The following ZCCHC4 variants were observed in gnomAD, a reference collection of about 807,000 sequenced individuals.
The protein encoded by ZCCHC4 is zinc finger CCHC-type containing 4, also known as rRNA N(6)-adenosine-methyltransferase ZCCHC4.
ZCCHC4 carries 54 observed loss-of-function variants against 67.7 expected under a neutral mutation model. That is an observed-to-expected ratio of 0.80 (90% CI 0.64 to 1.00). ZCCHC4 has a LOEUF of 1.00. Ranked by LOEUF, ZCCHC4 falls within the 50% of genes least tolerant of loss-of-function variation. ZCCHC4 has a pLI of 0.00. For missense variants in ZCCHC4, 609 were observed against 617.0 expected (o/e 0.99, Z 0.14); for synonymous variants, 198 against 213.5 (o/e 0.93, Z 0.63).
intron 3 of ZCCHC4, among the ~76,000 whole-genome samples, chr4:25,326,097 C>T (rs1718871224): frequency 6.6e-6 from 1 of 152,214 alleles, no homozygotes; most frequent in Non-Finnish European, 1.5e-5. Flanking sequence ...CATCCAAAAT[C>T]AACTAAAGCA....
At chr4:25,351,512 T>C in intron 7 of ZCCHC4, 77 bp from the exon 8 acceptor site, 1 of 898,152 alleles carries the variant, frequency 1.1e-6, no homozygotes, top group East Asian at 2.6e-5. Flanking sequence ...TTTCTTATGC[T>C]AGCGGAAGTT....
chr4:25,362,754 A>G (rs1720798515), intron 10 of ZCCHC4, among the ~76,000 whole-genome samples: 1 of 152,232 alleles, frequency 6.6e-6, no homozygotes, highest in South Asian at 2.1e-4. Flanking sequence ...CAACAGCCTT[A>G]TTAGGTGCAG....
intron 5 of ZCCHC4, among the ~76,000 whole-genome samples, chr4:25,339,341 T>C (rs1278551529): frequency 6.6e-6 from 1 of 152,234 alleles, no homozygotes; most frequent in East Asian, 1.9e-4. Context: ...GTAACTATGT[T>C]TACCTTCCTG....
chr4:25,361,322 T>C (rs1720725924), intron 8 of ZCCHC4, among the ~76,000 whole-genome samples: 1 of 152,232 alleles, frequency 6.6e-6, no homozygotes, highest in Admixed American at 6.5e-5. Context: ...CATGTGTCCC[T>C]GCCCAGAGGA....
chr4:25,367,249 A>T (rs1467510992), intron 12 of ZCCHC4, among the ~76,000 whole-genome samples: 1 of 152,180 alleles, frequency 6.6e-6, no homozygotes, highest in Non-Finnish European at 1.5e-5. Context: ...TTACATAAAT[A>T]CCTATAATTT....
At position 25,365,070 on chromosome 4, in the gene ZCCHC4, C is replaced by A. The variant is rs1319829264; in HGVS notation, c.1310C>A (p.Ser437Tyr). 6.2e-7 allele frequency: 1 copy of A among 1,614,218 alleles called. No homozygotes were observed. Among genetic ancestry groups the A allele is most frequent in the African/African-American group, 1.3e-5 (1 of 75,076 alleles). ...AATCACTGTGCTGTTCCAGATCATT[C>A]TTGTGAGGGCCCCAAACATGGCTGC... ...ICNHCAVPDH[S>Y]CEGPKHGCFI... Residue 437 changes from serine (S) to tyrosine (Y), a missense_variant, in exon 12 of 13, where the codon TCT becomes TAT. By Grantham distance (144) the Ser-to-Tyr change is moderately radical (BLOSUM62 -2). Transcript: ENST00000302874.
chr4:25,341,270 A>G (rs1440164815), intron 5 of ZCCHC4, among the ~76,000 whole-genome samples: 3 of 152,182 alleles, frequency 2.0e-5, no homozygotes, highest in African/African-American at 4.8e-5. Context: ...TTTGGAGTTG[A>G]TATCTCATGT....
chr4:25,349,657 A>T lies in ZCCHC4; in HGVS notation c.910+15A>T. ...TCAAAGCCAAGGTGTATAATTTATTACTGCAAAATAAATACATATCTATAT... is the reference window on the plus strand; with the variant it reads ...TCAAAGCCAAGGTGTATAATTTATTTCTGCAAAATAAATACATATCTATAT... On this transcript the variant is annotated intron_variant, in intron 7 of 12. Transcript: ENST00000302874. The T allele has an allele frequency of 6.2e-7, 1 of 1,610,668 alleles. No homozygotes were observed.
At chr4:25,350,461 G>A (rs1191436248) in intron 7 of ZCCHC4, among the ~76,000 whole-genome samples, 3 of 151,920 alleles carry the variant, frequency 2.0e-5, no homozygotes, top group African/African-American at 4.8e-5. Context: ...TAGAGACAGG[G>A]TTTTGCCATG....
At chr4:25,313,956 A>G in intron 1 of ZCCHC4, 90 bp from the exon 2 acceptor site, 2 of 777,394 alleles carry the variant, frequency 2.6e-6, no homozygotes, top group Non-Finnish European at 4.3e-6. Context: ...AAGCTCAAAC[A>G]AATTTTATTT....
intron 12 of ZCCHC4, among the ~76,000 whole-genome samples, chr4:25,368,503 C>G (rs149900944): frequency 4.6e-5 from 7 of 152,146 alleles, no homozygotes; most frequent in Non-Finnish European, 8.8e-5. Flanking sequence ...GATAACCCTG[C>G]GTGGCACTTG....
In ZCCHC4 at chr4:25,324,014, G is replaced by GTTTTTTTTTTTTTTTTTTTT. The variant is rs71188998; in HGVS notation, c.329+8630_329+8631insTTTTTTTTTTTTTTTTTTTT. ...TCGTACAGTATGTACTGTTTTTTGT[G>GTTTTTTTTTTTTTTTTTTTT]TTTTTTTTTTTTTTTTGAGACAGAG... On this transcript the variant is annotated intron_variant, in intron 3 of 12. Coordinates refer to ENST00000302874, the MANE Select transcript of ZCCHC4 (RefSeq NM_024936.3). Among the ~76,000 whole-genome samples, 105 of 82,422 alleles carry GTTTTTTTTTTTTTTTTTTTT rather than the reference G, an allele frequency of 1.3e-3. 30 individuals carry two copies. The highest frequency in any genetic ancestry group is 9.1e-3 in the Middle Eastern group (1 of 110). 54.1% of individuals were successfully genotyped at this position (82,422 alleles called of 152,430 possible).
intron 8 of ZCCHC4, among the ~76,000 whole-genome samples, chr4:25,361,342 C>G (rs1480952834): frequency 6.6e-6 from 1 of 152,192 alleles, no homozygotes; most frequent in Non-Finnish European, 1.5e-5. Context: ...ACACCCTTGT[C>G]CAAGGAGGTG....
At chr4:25,343,341 G>A (rs1181505888) in intron 5 of ZCCHC4, among the ~76,000 whole-genome samples, 1 of 152,134 alleles carries the variant, frequency 6.6e-6, no homozygotes, top group African/African-American at 2.4e-5. Context: ...ATTGTACCGA[G>A]AATGGTTGGC....
At chr4:25,350,733 T>A (rs984964770) in intron 7 of ZCCHC4, among the ~76,000 whole-genome samples, 1 of 152,226 alleles carries the variant, frequency 6.6e-6, no homozygotes, top group Non-Finnish European at 1.5e-5. Flanking sequence ...TGACTCATAT[T>A]GTTAAGTATT....
chr4:25,369,196 A>G lies in ZCCHC4; in HGVS notation c.*32A>G. The G allele has an allele frequency of 6.2e-7, 1 of 1,606,634 alleles. No individual in the cohort carries two copies. Among genetic ancestry groups the G allele is most frequent in the Non-Finnish European group, 8.5e-7 (1 of 1,178,336 alleles). On this transcript the variant is annotated 3_prime_UTR_variant, in exon 13 of 13. Coordinates refer to ENST00000302874, the MANE Select transcript of ZCCHC4 (RefSeq NM_024936.3). Reference sequence around the variant, plus strand: ...AGTGACTGGAGAATAAGAAAGATTTATGGTCCAACCTTTGATGCCATTTTC... The same window carrying G: ...AGTGACTGGAGAATAAGAAAGATTTGTGGTCCAACCTTTGATGCCATTTTC...
intron 3 of ZCCHC4, among the ~76,000 whole-genome samples, chr4:25,332,198 C>T (rs1313138896): frequency 6.6e-6 from 1 of 150,644 alleles, no homozygotes; most frequent in Non-Finnish European, 1.5e-5. Context: ...GTCCCAGCTA[C>T]TTGGGAGGCC....
chr4:25,336,749 A>G (rs2109068388), intron 5 of ZCCHC4, among the ~76,000 whole-genome samples: 1 of 152,272 alleles, frequency 6.6e-6, no homozygotes, highest in African/African-American at 2.4e-5. Flanking sequence ...GGCCTCCCAA[A>G]TTGCTGGAAT....
chr4:25,314,855 T>G (rs1029199141), intron 2 of ZCCHC4, among the ~76,000 whole-genome samples: 5 of 152,194 alleles, frequency 3.3e-5, no homozygotes, highest in African/African-American at 1.2e-4. Context: ...ACACTTTTTT[T>G]GAACATTTGC....
Sources: gnomAD v4.1 joint callset for allele counts (sites outside exome capture counted in the v4.1 genomes callset) on GRCh38, gnomAD v4.1.1 for gene constraint, MANE v1.5 for transcripts, NCBI Gene and HGNC (gene_info 2026-07-23, HGNC 2026-07-21) for gene names.